The following CCR5AS variants were observed in gnomAD, a reference collection of about 807,000 sequenced individuals.
CCR5AS encodes the protein CCR5 antisense RNA.
intron 1 of CCR5AS, among the ~76,000 whole-genome samples, chr3:46,394,139 G>A (rs1048053050): frequency 4.6e-5 from 7 of 152,160 alleles, no homozygotes; most frequent in African/African-American, 1.4e-4. Context: ...AGACATTTTA[G>A]TTGTCCCAGC....
At chr3:46,368,204 C>G (rs1701618615) in intron 3 of CCR5AS, among the ~76,000 whole-genome samples, 1 of 152,142 alleles carries the variant, frequency 6.6e-6, no homozygotes, top group Non-Finnish European at 1.5e-5. Flanking sequence ...GGAGGGATGG[C>G]ACGAAACACC....
chr3:46,401,874 A>C (rs1559577098), intron 1 of CCR5AS, among the ~76,000 whole-genome samples: 1 of 151,808 alleles, frequency 6.6e-6, no homozygotes, highest in East Asian at 1.9e-4. Context: ...GAATATACTC[A>C]CTGAACTTTT....
rs529131458 is a variant in CCR5AS, at chr3:46,390,137, C to T, written n.391+2688G>A. Among the ~76,000 whole-genome samples, 12 of 152,126 alleles carry T rather than the reference C, an allele frequency of 7.9e-5. 1 individual carries two copies. The East Asian group carries it at 2.3e-3, about 29-fold the overall frequency. ...AAAGTAATGTGGGCTGTCCCTGAAG[C>T]CTTGGGGTAGAAAAATCCAGGTGAG... On this transcript the variant is annotated intron_variant and non_coding_transcript_variant, in intron 2 of 3. Coordinates refer to ENST00000451485, the Ensembl canonical transcript of CCR5AS.
chr3:46,397,580 G>A (rs1369051767), intron 1 of CCR5AS, among the ~76,000 whole-genome samples: 2 of 152,176 alleles, frequency 1.3e-5, no homozygotes, highest in Non-Finnish European at 2.9e-5. Flanking sequence ...CTGCCCTTAC[G>A]TCAAGGGACA....
chr3:46,379,061 T>C (rs1701789126), intron 2 of CCR5AS, among the ~76,000 whole-genome samples: 1 of 151,188 alleles, frequency 6.6e-6, no homozygotes, highest in African/African-American at 2.4e-5. Context: ...AGGGTACATG[T>C]GCACATTGTG....
chr3:46,404,976 A>G (rs1293986760), intron 1 of CCR5AS, among the ~76,000 whole-genome samples: 1 of 152,210 alleles, frequency 6.6e-6, no homozygotes, highest in East Asian at 1.9e-4. Flanking sequence ...ATAAAGAGGA[A>G]CTCAGACCTT....
rs1292985224 is a variant in CCR5AS at position 46,382,346 on chromosome 3, C to T, written n.391+10479G>A. ...TTTTGGGCCCTGTGTAAATCAGACA[C>T]CGCCTCCTCAAGTTAGTCTATAAAA... is the stretch of plus-strand genomic sequence containing the variant. On this transcript the variant is annotated intron_variant and non_coding_transcript_variant, in intron 2 of 3. Coordinates refer to ENST00000451485, the Ensembl canonical transcript of CCR5AS. 2.0e-5 allele frequency among the ~76,000 whole-genome samples: 3 copies of T among 152,212 alleles called. No individual in the cohort carries two copies. The East Asian group carries it at 5.8e-4, about 29-fold the overall frequency.
intron 1 of CCR5AS, among the ~76,000 whole-genome samples, chr3:46,393,241 G>T (rs1176346654): frequency 2.6e-5 from 4 of 152,074 alleles, no homozygotes; most frequent in Non-Finnish European, 5.9e-5. Context: ...GATCAGTTGG[G>T]GTGGGGCAGG....
At chr3:46,387,591 A>G (rs1701874756) in intron 2 of CCR5AS, among the ~76,000 whole-genome samples, 1 of 152,184 alleles carries the variant, frequency 6.6e-6, no homozygotes, top group Non-Finnish European at 1.5e-5. Flanking sequence ...TCTACAAAAA[A>G]TACAAAAATT....
At chr3:46,371,286 A>C (rs1261581923) in exon 3 of CCR5AS, 1 of 152,224 alleles carries the variant, frequency 6.6e-6, no homozygotes, top group Non-Finnish European at 1.5e-5. Flanking sequence ...CTTAGCTGAA[A>C]TCTTGAAATC....
At chr3:46,380,348 G>A (rs879622265) in intron 2 of CCR5AS, among the ~76,000 whole-genome samples, 2 of 152,192 alleles carry the variant, frequency 1.3e-5, no homozygotes, top group Non-Finnish European at 2.9e-5. Context: ...TAAGTAGAAA[G>A]TGGGGTACAA....
chr3:46,380,954 A>G (rs1701810029), intron 2 of CCR5AS, among the ~76,000 whole-genome samples: 2 of 152,204 alleles, frequency 1.3e-5, no homozygotes, highest in Admixed American at 1.3e-4. Flanking sequence ...CTGGGGTGGC[A>G]TGTGCACCAG....
At chr3:46,385,738 A>ATTAT (rs1249359855) in intron 2 of CCR5AS, among the ~76,000 whole-genome samples, 1 of 151,094 alleles carries the variant, frequency 6.6e-6, no homozygotes, top group Non-Finnish European at 1.5e-5. Context: ...TTATTTATTT[A>ATTAT]TTATTTATTT....
At chr3:46,391,167 G>C (rs1701908012) in intron 2 of CCR5AS, among the ~76,000 whole-genome samples, 1 of 152,154 alleles carries the variant, frequency 6.6e-6, no homozygotes, top group African/African-American at 2.4e-5. Context: ...GACATTCCTT[G>C]GCCCAGTGGC....
chr3:46,388,886 G>T (rs1049017579), intron 2 of CCR5AS, among the ~76,000 whole-genome samples: 1 of 152,196 alleles, frequency 6.6e-6, no homozygotes, highest in Non-Finnish European at 1.5e-5. Context: ...TGCCCTGTCA[G>T]CAAAGATCAT....
chr3:46,386,016 A>G (rs1041420587), intron 2 of CCR5AS, among the ~76,000 whole-genome samples: 5 of 152,000 alleles, frequency 3.3e-5, no homozygotes, highest in African/African-American at 1.2e-4. Context: ...GGCTCAAGCA[A>G]TCCTCCAACC....
Position 46,380,986 on chromosome 3 carries a change from C to G in CCR5AS, n.392-9569G>C, listed in dbSNP as rs150152608. On this transcript the variant is annotated intron_variant and non_coding_transcript_variant, in intron 2 of 3. Coordinates refer to ENST00000451485, the Ensembl canonical transcript of CCR5AS. Reference sequence around the variant, plus strand: ...CCAGGAAGAGTCTCAACTTTCATAACAGAACATTCCCCAAGCTGGTTTTTT... The same window carrying G: ...CCAGGAAGAGTCTCAACTTTCATAAGAGAACATTCCCCAAGCTGGTTTTTT... 2.6e-5 allele frequency among the ~76,000 whole-genome samples: 4 copies of G among 152,140 alleles called. No homozygotes were observed. The South Asian group carries it at 8.3e-4, about 31-fold the overall frequency.
intron 2 of CCR5AS, among the ~76,000 whole-genome samples, chr3:46,383,194 G>C (rs972789943): frequency 1.1e-4 from 16 of 152,186 alleles, no homozygotes; most frequent in African/African-American, 3.9e-4. Flanking sequence ...TGTAAGTAAT[G>C]GATGGAAAGG....
At chr3:46,399,463 G>C (rs1348681423) in intron 1 of CCR5AS, among the ~76,000 whole-genome samples, 2 of 152,168 alleles carry the variant, frequency 1.3e-5, no homozygotes, top group Non-Finnish European at 2.9e-5. Context: ...CTGGAAGAGG[G>C]GGAGAAGAGA....
Sources: gnomAD v4.1 joint callset for allele counts (sites outside exome capture counted in the v4.1 genomes callset) on GRCh38, gnomAD v4.1.1 for gene constraint, MANE v1.5 for transcripts, NCBI Gene and HGNC (gene_info 2026-07-23, HGNC 2026-07-21) for gene names.